Variants in PNISR observed in about 807,000 individuals in gnomAD.
The protein encoded by PNISR is arginine/serine-rich protein PNISR.
In PNISR, 20 loss-of-function variants were observed where a neutral mutation model predicts 93.4. The observed-to-expected ratio is 0.21, with a 90% CI of 0.15 to 0.31. The LOEUF (loss-of-function observed/expected upper bound fraction) is 0.31. PNISR is among the 10% of genes least tolerant of loss of function. The pLI is 1.00. For missense variants in PNISR, 893 were observed against 985.4 expected, an observed-to-expected ratio of 0.91 and a Z score of 1.25; for synonymous variants, 305 against 306.5, an observed-to-expected ratio of 0.99 and a Z score of 0.05.
rs116072942 is a variant in PNISR at position 99,409,406 on chromosome 6, C to A, written c.502-62G>T. On this transcript the variant is annotated intron_variant, in intron 5 of 11. Coordinates refer to ENST00000369239, the MANE Select transcript of PNISR (RefSeq NM_032870.4). ...AATACAATATACTCTCTGGGACACA[C>A]GTGTGTTATGAACTGGGACAGTAGA... The A allele has an allele frequency of 5.5e-4, 808 of 1,469,912 alleles. 3 individuals carry two copies. The African/African-American group carries it at 0.01, about 19-fold the overall frequency. The allele number at this position is 1,469,912 out of a possible 1,614,324, so 91.1% of individuals were successfully genotyped here. A position where few individuals can be genotyped will look rare whatever the true frequency, so the allele number is the denominator to read the frequency against.
chr6:99,406,593 T>C (rs1383428525), intron 7 of PNISR, among the ~76,000 whole-genome samples: 8 of 152,170 alleles, frequency 5.3e-5, no homozygotes, highest in Admixed American at 2.6e-4. Flanking sequence ...GCTATTTACC[T>C]AAAGTTGCAC....
chr6:99,417,809 A>C (rs1777906369), intron 1 of PNISR, among the ~76,000 whole-genome samples: 1 of 151,994 alleles, frequency 6.6e-6, no homozygotes, highest in African/African-American at 2.4e-5. Flanking sequence ...TCTACTAAAA[A>C]ATACAAAAAT....
rs376429837 is a variant in PNISR at position 99,410,932 on chromosome 6, G to T, written c.310C>A (p.Pro104Thr). The T allele has an allele frequency of 2.8e-5, 45 of 1,613,852 alleles. No individual in the cohort carries two copies. In the African/African-American group the frequency reaches 5.1e-4, roughly 18 times the overall value. Residue 104 changes from proline to threonine, a missense_variant, in exon 5 of 12, where the codon CCT becomes ACT. Pro to Thr is a conservative substitution (Grantham distance 38). Coordinates refer to ENST00000369239, the MANE Select transcript of PNISR (RefSeq NM_032870.4). ...GGTGGCATCCATGGCTGATCTGGAG[G>T]GGGGTGTGGGGGTTGCTGATGCATT... The part of the protein sequence containing the change: ...WGMHQQPPHP[P>T]PDQPWMPPTP...
chr6:99,401,460 T>C lies in PNISR; in HGVS notation c.1498A>G (p.Lys500Glu). ...CTCCTTCCTTGTTTTTCTTTTTCTT[T>C]ATGCTCTTTTTTTGGTTCTAAAACT... ...TSVLEPKKEHKEKEKQGRSRS... is the reference protein window; with the variant it reads ...TSVLEPKKEHEEKEKQGRSRS... Residue 500 changes from lysine (K) to glutamate (E), a missense_variant, in exon 12 of 12, where the codon AAA becomes GAA. Lys to Glu is a moderately conservative substitution (Grantham distance 56). Coordinates refer to ENST00000369239, the MANE Select transcript of PNISR (RefSeq NM_032870.4). 1.2e-6 allele frequency: 2 copies of C among 1,610,916 alleles called. No homozygotes were observed. The highest frequency in any genetic ancestry group is 1.7e-6 in the Non-Finnish European group (2 of 1,179,108).
At chr6:99,404,190 C>A in intron 9 of PNISR, 1 of 380,310 alleles carries the variant, frequency 2.6e-6, no homozygotes, top group Non-Finnish European at 4.8e-6. Flanking sequence ...TACTAAAAAT[C>A]TAGGGGTAGG....
At chr6:99,420,375 A>G (rs769944035) in intron 1 of PNISR, among the ~76,000 whole-genome samples, 4 of 152,232 alleles carry the variant, frequency 2.6e-5, no homozygotes, top group Non-Finnish European at 5.9e-5. Context: ...AGATTGTAGT[A>G]AAGACTTGTT....
intron 6 of PNISR, 66 bp from the exon 7 acceptor site, chr6:99,408,337 A>T: frequency 9.0e-7 from 1 of 1,114,454 alleles, no homozygotes; most frequent in Non-Finnish European, 1.3e-6. Flanking sequence ...CTTGTGAGTA[A>T]ATTTAAAAAA....
At position 99,401,609 on chromosome 6, in the gene PNISR, CT is replaced by C; in HGVS notation, c.1348del (p.Arg450GlyfsTer6). On this transcript the variant is annotated frameshift_variant, in exon 12 of 12. Coordinates refer to ENST00000369239, the MANE Select transcript of PNISR (RefSeq NM_032870.4). LOFTEE classifies it high-confidence loss of function. ...QMEEEKQQTE[R>X]VTKEMNEFIH... is the part of the protein sequence containing the mutation. ...AAATTCATTCATCTCTTTTGTAACC[CT>C]TTCTGTTTGCTGCTTTTCTTCTGAA... The C allele has an allele frequency of 6.5e-7, 1 of 1,543,580 alleles. No individual in the cohort carries two copies. Among genetic ancestry groups the C allele is most frequent in the Admixed American group, 2.3e-5 (1 of 44,090 alleles).
intron 8 of PNISR, among the ~76,000 whole-genome samples, 181 bp from the exon 9 acceptor site, chr6:99,404,883 A>G (rs1775960816): frequency 6.6e-6 from 1 of 151,842 alleles, no homozygotes; most frequent in Non-Finnish European, 1.5e-5. Flanking sequence ...GGTTCAAGTG[A>G]TTCTCTTGCC....
intron 7 of PNISR, among the ~76,000 whole-genome samples, chr6:99,407,645 G>A (rs1169936346): frequency 1.3e-5 from 2 of 152,158 alleles, no homozygotes; most frequent in Admixed American, 6.5e-5. Context: ...CCATCTAACT[G>A]AGGAAGATTT....
At position 99,408,061 on chromosome 6, in the gene PNISR, A is replaced by T; in HGVS notation, c.864+20T>A. The T allele has an allele frequency of 6.5e-7, 1 of 1,545,140 alleles. No individual in the cohort carries two copies. On this transcript the variant is annotated intron_variant, in intron 7 of 11. Transcript: ENST00000369239. ...AACCAAGATTTTCACATGGAGTTTC[A>T]TGTTGGGGATTCTACTTACAAATTT... is the stretch of plus-strand genomic sequence containing the variant.
chr6:99,402,734 T>C (rs1562229345), intron 10 of PNISR, 24 bp from the exon 11 acceptor site: 2 of 1,503,192 alleles, frequency 1.3e-6, no homozygotes, highest in Non-Finnish European at 1.8e-6. Context: ...GCTCAGTCTA[T>C]CATATGAAAA....
intron 10 of PNISR, 200 bp from the exon 11 acceptor site, chr6:99,402,910 A>C (rs981565222): frequency 7.3e-6 from 3 of 412,720 alleles, no homozygotes; most frequent in Non-Finnish European, 1.3e-5. Flanking sequence ...TTAATATCTT[A>C]TTCTTTCTGG....
At chr6:99,413,795 T>A (rs541552948) in intron 3 of PNISR, among the ~76,000 whole-genome samples, 1 of 119,474 alleles carries the variant, frequency 8.4e-6, no homozygotes. Context: ...TATTCTCAGT[T>A]TGAAACACTG....
chr6:99,406,873 TA>T (rs1437945293), intron 7 of PNISR, among the ~76,000 whole-genome samples: 1 of 152,126 alleles, frequency 6.6e-6, no homozygotes, highest in Non-Finnish European at 1.5e-5. Flanking sequence ...GATGACCACC[TA>T]AATACTACTG....
rs1775475436 is a variant in PNISR, at chr6:99,401,362, A to T, written c.1596T>A (p.Ser532=). The T allele has an allele frequency of 6.2e-7, 1 of 1,613,586 alleles. No individual in the cohort carries two copies. Among genetic ancestry groups the T allele is most frequent in the Non-Finnish European group, 8.5e-7 (1 of 1,179,534 alleles). ...SRTSSTSSTV[S]SSSYSSSSGS... ...CTGAGCTAGAACTGTATGAAGAGCT[A>T]GAGACAGTACTACTAGTACTACTAG... The change falls in exon 12 of 12, where the codon TCT becomes TCA. Residue 532 remains serine (S), a synonymous_variant. Coordinates refer to ENST00000369239, the MANE Select transcript of PNISR (RefSeq NM_032870.4).
chr6:99,402,391 C>T (rs1326451278), intron 11 of PNISR, 149 bp downstream of exon 11: 2 of 570,542 alleles, frequency 3.5e-6, no homozygotes, highest in South Asian at 5.4e-5. Context: ...CCTAAAACAA[C>T]CAAACAAAAA....
intron 1 of PNISR, among the ~76,000 whole-genome samples, chr6:99,416,690 T>C (rs1306460986): frequency 6.6e-6 from 1 of 151,772 alleles, no homozygotes; most frequent in African/African-American, 2.4e-5. Context: ...AAAAACAATG[T>C]CAAACAATTT....
chr6:99,402,593 G>C lies in PNISR; in HGVS notation c.1274C>G (p.Ala425Gly), dbSNP rs1775647537. 2 of 1,613,364 alleles carry C rather than the reference G, an allele frequency of 1.2e-6. No individual in the cohort carries two copies. Among genetic ancestry groups the C allele is most frequent in the Non-Finnish European group, 8.5e-7 (1 of 1,179,584 alleles). Residue 425 changes from alanine (A) to glycine (G), a missense_variant, in exon 11 of 12, where the codon GCT becomes GGT. This residue lies in a region of PNISR where 866 missense variants were observed against 935.1 expected (regional missense o/e 0.93). Transcript: ENST00000369239. ...CTGTTCTTTTTCTTTTCTCCAAAAAGCTTCCTGTTTTTGCCGGATTCGATG... is the reference window on the plus strand; with the variant it reads ...CTGTTCTTTTTCTTTTCTCCAAAAACCTTCCTGTTTTTGCCGGATTCGATG... Reference protein sequence around the residue: ...LRHRIRQKQEAFWRKEKEQQL... With the variant: ...LRHRIRQKQEGFWRKEKEQQL...
Sources: allele counts gnomAD v4.1 joint callset (sites outside exome capture counted in the v4.1 genomes callset), GRCh38; gene constraint gnomAD v4.1.1; regional missense constraint gnomAD v4.1.1; transcripts MANE v1.5; gene names NCBI Gene and HGNC (gene_info 2026-07-23, HGNC 2026-07-21).